Variants in LHFPL3 observed in about 807,000 individuals in gnomAD.
LHFPL3 encodes LHFPL tetraspan subfamily member 3 protein.
Under a neutral mutation model 19.3 loss-of-function variants are expected in LHFPL3, and 5 were observed. That is an observed-to-expected ratio of 0.26 (90% confidence interval 0.14 to 0.54). The LOEUF is 0.54. Ranked by LOEUF, LHFPL3 falls within the 20% of genes least tolerant of loss-of-function variation. LHFPL3 has a pLI of 0.94. For synonymous variants in LHFPL3, 133 were observed against 126.2 expected (o/e 1.05, Z -0.36); for missense variants, 249 against 307.4 (o/e 0.81, Z 1.42).
chr7:104,431,044 T>C lies in LHFPL3; in HGVS notation c.445+101820T>C, dbSNP rs1261179698. ...TGATGAATAAAATAAATAAAAATGCTCAATTCCTTCTTATGTAAAAAGACT... is the reference window on the plus strand; with the variant it reads ...TGATGAATAAAATAAATAAAAATGCCCAATTCCTTCTTATGTAAAAAGACT... On this transcript the variant is annotated intron_variant, in intron 1 of 2. Coordinates refer to ENST00000424859, the MANE Select transcript of LHFPL3 (RefSeq NM_199000.3). Among the ~76,000 whole-genome samples, 5 of 152,144 alleles carry C rather than the reference T, an allele frequency of 3.3e-5. No individual in the cohort carries two copies. The East Asian group carries it at 9.6e-4, about 29-fold the overall frequency.
At chr7:104,514,901 C>T (rs142296747) in intron 1 of LHFPL3, among the ~76,000 whole-genome samples, 26 of 152,154 alleles carry the variant, frequency 1.7e-4, no homozygotes, top group Admixed American at 1.7e-3. Flanking sequence ...ATGAAGCAAC[C>T]CACCTTCTTT....
chr7:104,606,090 G>A (rs1288855757), intron 1 of LHFPL3, among the ~76,000 whole-genome samples: 2 of 152,028 alleles, frequency 1.3e-5, no homozygotes, highest in Non-Finnish European at 2.9e-5. Flanking sequence ...TGAACTCCTG[G>A]CCTCATGCAA....
chr7:104,863,070 C>A (rs920444828), intron 2 of LHFPL3, among the ~76,000 whole-genome samples: 2 of 152,198 alleles, frequency 1.3e-5, no homozygotes, highest in Non-Finnish European at 2.9e-5. Context: ...TCATATTTAG[C>A]TTAATGAGCT....
At chr7:104,362,378 A>C (rs973568369) in intron 1 of LHFPL3, among the ~76,000 whole-genome samples, 1 of 152,200 alleles carries the variant, frequency 6.6e-6, no homozygotes, top group Non-Finnish European at 1.5e-5. Flanking sequence ...AGCCATTGCC[A>C]GGTTTTGAGG....
chr7:104,704,864 A>G (rs990571748), intron 1 of LHFPL3, among the ~76,000 whole-genome samples: 1 of 152,058 alleles, frequency 6.6e-6, no homozygotes, highest in Non-Finnish European at 1.5e-5. Context: ...TCGAATTCCT[A>G]GGCTCAAGCA....
intron 1 of LHFPL3, among the ~76,000 whole-genome samples, chr7:104,499,566 T>C (rs574961107): frequency 6.6e-6 from 1 of 152,356 alleles, no homozygotes; most frequent in South Asian, 2.1e-4. Context: ...GAGAAAGTAC[T>C]TCAAGAGAAT....
chr7:104,863,802 T>C (rs1662311986), intron 2 of LHFPL3, among the ~76,000 whole-genome samples: 1 of 152,226 alleles, frequency 6.6e-6, no homozygotes, highest in African/African-American at 2.4e-5. Flanking sequence ...TCTCTCCTTC[T>C]GTGATGCTCC....
At chr7:104,761,324 CAAGGATGG>C (rs1221716009) in intron 2 of LHFPL3, among the ~76,000 whole-genome samples, 1 of 151,802 alleles carries the variant, frequency 6.6e-6, no homozygotes, top group Non-Finnish European at 1.5e-5. Flanking sequence ...CCTTGTAGCA[CAAGGATGG>C]AGTTTCTAAG....
Position 104,610,088 on chromosome 7 carries a change from A to G in LHFPL3, c.446-126587A>G, listed in dbSNP as rs1277756409. On this transcript the variant is annotated intron_variant, in intron 1 of 2. Coordinates refer to ENST00000424859, the MANE Select transcript of LHFPL3 (RefSeq NM_199000.3). ...TATGTTAGCTGGTCCTCAATCTAGT[A>G]TTGATCCCAGTTGGTTGTGTAGCTA... 2.6e-5 allele frequency among the ~76,000 whole-genome samples: 4 copies of G among 152,222 alleles called. No individual in the cohort carries two copies. The East Asian group carries it at 7.7e-4, about 29-fold the overall frequency.
At chr7:104,469,214 G>T (rs190939001) in intron 1 of LHFPL3, among the ~76,000 whole-genome samples, 3 of 152,204 alleles carry the variant, frequency 2.0e-5, no homozygotes, top group South Asian at 2.1e-4. Flanking sequence ...GAACAGAAAA[G>T]CATTGTCCTG....
At chr7:104,352,243 A>G (rs556104017) in intron 1 of LHFPL3, among the ~76,000 whole-genome samples, 2 of 151,948 alleles carry the variant, frequency 1.3e-5, no homozygotes, top group South Asian at 2.1e-4. Flanking sequence ...ATATATGTAA[A>G]TTATTACTAT....
At chr7:104,375,873 A>G (rs1485386462) in intron 1 of LHFPL3, among the ~76,000 whole-genome samples, 1 of 152,228 alleles carries the variant, frequency 6.6e-6, no homozygotes, top group African/African-American at 2.4e-5. Context: ...AATGTTCTAT[A>G]TGAAACGGTT....
chr7:104,500,501 A>C (rs1793580365), intron 1 of LHFPL3, among the ~76,000 whole-genome samples: 1 of 152,176 alleles, frequency 6.6e-6, no homozygotes, highest in South Asian at 2.1e-4. Context: ...CAGTGCTGAG[A>C]ACTTTGTGTG....
At chr7:104,577,773 T>A (rs1390846793) in intron 1 of LHFPL3, among the ~76,000 whole-genome samples, 1 of 152,098 alleles carries the variant, frequency 6.6e-6, no homozygotes, top group Non-Finnish European at 1.5e-5. Context: ...GCTCCGTGAG[T>A]GGTCATTCTC....
At chr7:104,698,494 G>A (rs1793037984) in intron 1 of LHFPL3, among the ~76,000 whole-genome samples, 1 of 152,166 alleles carries the variant, frequency 6.6e-6, no homozygotes, top group African/African-American at 2.4e-5. Context: ...AAAAACTCTT[G>A]TGCATCAAAC....
intron 1 of LHFPL3, among the ~76,000 whole-genome samples, chr7:104,677,909 C>T (rs372370948): frequency 1.3e-4 from 20 of 152,256 alleles, no homozygotes; most frequent in East Asian, 3.9e-4. Flanking sequence ...GTTAAATTTA[C>T]GGAACCACGT....
At chr7:104,481,647 A>G (rs1296013417) in intron 1 of LHFPL3, among the ~76,000 whole-genome samples, 1 of 152,266 alleles carries the variant, frequency 6.6e-6, no homozygotes, top group Non-Finnish European at 1.5e-5. Context: ...TGCTGAATCT[A>G]ACACATAACA....
intron 1 of LHFPL3, among the ~76,000 whole-genome samples, chr7:104,411,734 A>G (rs1052821797): frequency 2.0e-5 from 3 of 152,204 alleles, no homozygotes; most frequent in Admixed American, 6.5e-5. Context: ...AAAGAAGTTC[A>G]AAGAAGGGTA....
intron 1 of LHFPL3, among the ~76,000 whole-genome samples, chr7:104,497,105 T>G (rs940746021): frequency 2.0e-5 from 3 of 152,062 alleles, no homozygotes; most frequent in Admixed American, 1.3e-4. Flanking sequence ...GATGCTGTGA[T>G]GGAAAAGTAG....
Sources: gnomAD v4.1 joint callset for allele counts (sites outside exome capture counted in the v4.1 genomes callset) on GRCh38, gnomAD v4.1.1 for gene constraint, MANE v1.5 for transcripts, NCBI Gene and HGNC (gene_info 2026-07-23, HGNC 2026-07-21) for gene names.